The following PDLIM4 variants were observed in gnomAD, a reference collection of about 807,000 sequenced individuals.
The protein encoded by PDLIM4 is PDZ and LIM domain 4.
Under a neutral mutation model 31.3 loss-of-function variants are expected in PDLIM4, and 19 were observed. That is an observed-to-expected ratio of 0.61 (90% CI 0.42 to 0.89). The LOEUF (loss-of-function observed/expected upper bound fraction) is 0.89. Among genes scored for constraint, PDLIM4 ranks in the 40% least tolerant of loss-of-function variants. The pLI is 0.00. For missense variants in PDLIM4, 442 were observed against 461.1 expected, an observed-to-expected ratio of 0.96 and a Z score of 0.38; for synonymous variants, 176 against 190.1, an observed-to-expected ratio of 0.93 and a Z score of 0.61.
rs1226276969 is a variant in PDLIM4, at chr5:132,259,388, G to GGCAGCAGCA, written c.93+1568_93+1576dup. ...CTCCACACGTCACAGCTGCGGCTGC[G>GGCAGCAGCA]GCAGCAGCAGCAGCAACAGCCTTGT... On this transcript the variant is annotated intron_variant, in intron 1 of 6. Transcript: ENST00000253754. Among the ~76,000 whole-genome samples, 3 of 152,074 alleles carry GGCAGCAGCA rather than the reference G, an allele frequency of 2.0e-5. No homozygotes were observed. The East Asian group carries it at 5.8e-4, about 29-fold the overall frequency.
intron 2 of PDLIM4, among the ~76,000 whole-genome samples, chr5:132,264,800 T>C (rs1252787009): frequency 1.5e-5 from 2 of 129,094 alleles, no homozygotes; most frequent in African/African-American, 6.1e-5. Flanking sequence ...CTGCAGTAAA[T>C]CAGCCTGTTG....
intron 1 of PDLIM4, 139 bp from the exon 2 acceptor site, chr5:132,262,470 C>A: frequency 1.4e-6 from 1 of 705,964 alleles, no homozygotes; most frequent in South Asian, 2.5e-5. Flanking sequence ...CTCAACCAGC[C>A]ACTCGGCTTG....
At position 132,271,824 on chromosome 5, in the gene PDLIM4, T is replaced by A. The variant is rs557597794; in HGVS notation, c.704T>A (p.Leu235His). The A allele has an allele frequency of 6.2e-7, 1 of 1,612,868 alleles. No individual in the cohort carries two copies. Among genetic ancestry groups the A allele is most frequent in the African/African-American group, 1.3e-5 (1 of 75,026 alleles). ...CCCGGGCCTGGCGGCCCCCGGAACC[T>A]CAAGCCCACGGCCAGCAAGCTGGGC... ...DWPGPGGPRN[L>H]KPTASKLGAP... is the part of the protein sequence containing the mutation. Residue 235 changes from leucine to histidine, a missense_variant, in exon 6 of 7, where the codon CTC (leucine) becomes CAC (histidine). Coordinates refer to ENST00000253754, the MANE Select transcript of PDLIM4 (RefSeq NM_003687.4).
In PDLIM4 at chr5:132,271,925, G is replaced by A; in HGVS notation, c.788+17G>A. The A allele has an allele frequency of 3.8e-6, 6 of 1,596,420 alleles. No individual in the cohort carries two copies. Among genetic ancestry groups the A allele is most frequent in the East Asian group, 2.2e-5 (1 of 44,594 alleles). Reference sequence around the variant, plus strand: ...CGGCATCGTGTGAGTAACCGCCCCCGCTGCCCCTCCCGGACCCTAGCCTTC... The same window carrying A: ...CGGCATCGTGTGAGTAACCGCCCCCACTGCCCCTCCCGGACCCTAGCCTTC... On this transcript the variant is annotated intron_variant, in intron 6 of 6. Coordinates refer to ENST00000253754, the MANE Select transcript of PDLIM4 (RefSeq NM_003687.4).
intron 2 of PDLIM4, among the ~76,000 whole-genome samples, chr5:132,265,969 G>A (rs1756483120): frequency 6.6e-6 from 1 of 152,214 alleles, no homozygotes; most frequent in African/African-American, 2.4e-5. Flanking sequence ...GCCGGCAGCA[G>A]CAGCAGGAGG....
chr5:132,262,761 G>T lies in PDLIM4; in HGVS notation c.245+1G>T. ...ATCACCTCACACTGTCTGTGAGCAG[G>T]TATGCACAGGTGGGCTGGGCTGGGA... On this transcript the variant is annotated splice_donor_variant, in intron 2 of 6. Coordinates refer to ENST00000253754, the MANE Select transcript of PDLIM4 (RefSeq NM_003687.4). LOFTEE classifies it high-confidence loss of function. The T allele has an allele frequency of 6.2e-7, 1 of 1,611,148 alleles. No individual in the cohort carries two copies. The highest frequency in any genetic ancestry group is 8.5e-7 in the Non-Finnish European group (1 of 1,178,330).
In PDLIM4 at chr5:132,265,337, G is replaced by A. The variant is rs141963003; in HGVS notation, c.246-1127G>A. ...TGAAGGCCAAATAGCCACACAAGAT[G>A]TCCCAGCTTTATCCCAGAGGAGTTC... is the stretch of plus-strand genomic sequence containing the variant. On this transcript the variant is annotated intron_variant, in intron 2 of 6. Coordinates refer to ENST00000253754, the MANE Select transcript of PDLIM4 (RefSeq NM_003687.4). Among the ~76,000 whole-genome samples, 49 of 152,328 alleles carry A rather than the reference G, an allele frequency of 3.2e-4. No individual in the cohort carries two copies. The East Asian group carries it at 8.7e-3, about 27-fold the overall frequency.
At position 132,272,468 on chromosome 5, in the gene PDLIM4, G is replaced by C. The variant is rs1756650412; in HGVS notation, c.*239G>C. On this transcript the variant is annotated 3_prime_UTR_variant, in exon 7 of 7. Coordinates refer to ENST00000253754, the MANE Select transcript of PDLIM4 (RefSeq NM_003687.4). The stretch of plus-strand genomic sequence containing the variant: ...GGACGGGTACCATGCTGCCCTGAAG[G>C]GGGCCACAGCCTGGGTGGAAGGCAG... 1 of 561,620 alleles carries C rather than the reference G, an allele frequency of 1.8e-6. No homozygotes were observed. The highest frequency in any genetic ancestry group is 1.9e-5 in the African/African-American group (1 of 53,222). 34.8% of individuals were successfully genotyped at this position (561,620 alleles called of 1,614,324 possible).
At position 132,262,658 on chromosome 5, in the gene PDLIM4, T is replaced by C; in HGVS notation, c.143T>C (p.Leu48Pro). The part of the protein sequence containing the change: ...AALAALCPGD[L>P]IQAINGESTE... ...TTGGCTGCCCTGTGCCCAGGAGACC[T>C]GATCCAGGCCATCAATGGTGAGAGC... The change falls in exon 2 of 7, where the codon CTG (leucine) becomes CCG (proline). Residue 48 changes from leucine (L) to proline (P), a missense_variant. Leu to Pro is a moderately conservative substitution (Grantham distance 98). Transcript: ENST00000253754. 6.2e-7 allele frequency: 1 copy of C among 1,612,198 alleles called. No individual in the cohort carries two copies. Among genetic ancestry groups the C allele is most frequent in the Non-Finnish European group, 8.5e-7 (1 of 1,179,180 alleles).
chr5:132,271,593 G>A (rs572297753), intron 5 of PDLIM4, 127 bp downstream of exon 5: 6 of 1,102,618 alleles, frequency 5.4e-6, no homozygotes, highest in East Asian at 2.5e-5. Flanking sequence ...CCGGTCCCAC[G>A]CCCTTGCTAC....
chr5:132,271,823 C>G lies in PDLIM4; in HGVS notation c.703C>G (p.Leu235Val). ...DWPGPGGPRN[L>V]KPTASKLGAP... ...GCCCGGGCCTGGCGGCCCCCGGAAC[C>G]TCAAGCCCACGGCCAGCAAGCTGGG... Residue 235 changes from leucine (L) to valine (V), a missense_variant, in exon 6 of 7, where the codon CTC becomes GTC. Coordinates refer to ENST00000253754, the MANE Select transcript of PDLIM4 (RefSeq NM_003687.4). 6.2e-7 allele frequency: 1 copy of G among 1,612,968 alleles called. No homozygotes were observed. The highest frequency in any genetic ancestry group is 8.5e-7 in the Non-Finnish European group (1 of 1,179,600).
chr5:132,272,459 G>T lies in PDLIM4; in HGVS notation c.*230G>T, dbSNP rs552776156. Reference sequence around the variant, plus strand: ...TAGTGAGCAGGACGGGTACCATGCTGCCCTGAAGGGGGCCACAGCCTGGGT... The same window carrying T: ...TAGTGAGCAGGACGGGTACCATGCTTCCCTGAAGGGGGCCACAGCCTGGGT... On this transcript the variant is annotated 3_prime_UTR_variant, in exon 7 of 7. Coordinates refer to ENST00000253754, the MANE Select transcript of PDLIM4 (RefSeq NM_003687.4). 3.5e-6 allele frequency: 2 copies of T among 569,052 alleles called. No individual in the cohort carries two copies. The highest frequency in any genetic ancestry group is 1.9e-5 in the African/African-American group (1 of 53,374). The allele number at this position is 569,052 out of a possible 1,614,324, so 35.3% of individuals were successfully genotyped here.
rs1580799025 is a variant in PDLIM4, at chr5:132,263,625, C to T, written c.245+865C>T. On this transcript the variant is annotated intron_variant, in intron 2 of 6. Transcript: ENST00000253754. ...CCCCACTCCCCTGCCCACCTTGATC[C>T]ACAGAAGTCGGGCATAACTTATCAG... Among the ~76,000 whole-genome samples the T allele has an allele frequency of 4.6e-5, 7 of 152,320 alleles. No homozygotes were observed. The South Asian group carries it at 1.2e-3, about 27-fold the overall frequency.
chr5:132,265,531 G>A (rs1386052863), intron 2 of PDLIM4, among the ~76,000 whole-genome samples: 4 of 152,240 alleles, frequency 2.6e-5, no homozygotes, highest in African/African-American at 9.6e-5. Context: ...TAAGGAATGG[G>A]CAGAGGCGAG....
chr5:132,268,814 A>G (rs770366680), intron 3 of PDLIM4, among the ~76,000 whole-genome samples: 1 of 152,292 alleles, frequency 6.6e-6, no homozygotes, highest in Non-Finnish European at 1.5e-5. Flanking sequence ...CAAAGCAGGT[A>G]GTTACCCCCA....
intron 2 of PDLIM4, 37 bp from the exon 3 acceptor site, chr5:132,266,427 T>C (rs1395335371): frequency 1.4e-6 from 2 of 1,416,246 alleles, no homozygotes; most frequent in South Asian, 2.3e-5. Context: ...GTGGGCGTGG[T>C]AGGAGACATA....
chr5:132,260,560 C>T (rs566003010), intron 1 of PDLIM4, among the ~76,000 whole-genome samples: 11 of 152,346 alleles, frequency 7.2e-5, no homozygotes, highest in South Asian at 4.1e-4. Context: ...ATTATACATG[C>T]TGGTCCTTCT....
intron 3 of PDLIM4, among the ~76,000 whole-genome samples, chr5:132,269,243 G>A (rs753766484): frequency 4.0e-5 from 6 of 151,866 alleles, no homozygotes; most frequent in Non-Finnish European, 8.8e-5. Context: ...CCCTGCAGTG[G>A]ACCCCTGCAC....
rs780154478 is a variant in PDLIM4, at chr5:132,272,064, C to T, written c.828C>T (p.Pro276=). Residue 276 remains proline, a synonymous_variant, in exon 7 of 7, where the codon CCC becomes CCT. Coordinates refer to ENST00000253754, the MANE Select transcript of PDLIM4 (RefSeq NM_003687.4). ...IVKARDKLYH[P]ECFMCSDCGL... is the part of the protein sequence containing the mutation. ...AGGCACGGGACAAGCTCTACCATCC[C>T]GAGTGCTTCATGTGCAGTGACTGCG... 1.1e-5 allele frequency: 18 copies of T among 1,614,244 alleles called. No homozygotes were observed. Among genetic ancestry groups the T allele is most frequent in the Non-Finnish European group, 1.4e-5 (16 of 1,180,020 alleles).
Sources: allele counts gnomAD v4.1 joint callset (sites outside exome capture counted in the v4.1 genomes callset), GRCh38; gene constraint gnomAD v4.1.1; transcripts MANE v1.5; gene names NCBI Gene and HGNC (gene_info 2026-07-23, HGNC 2026-07-21).